Variants in DMTF1 observed in about 807,000 individuals in gnomAD.
The protein encoded by DMTF1 is cyclin-D-binding Myb-like transcription factor 1.
Under a neutral mutation model 91.1 loss-of-function variants are expected in DMTF1, and 39 were observed. That is an observed-to-expected ratio of 0.43 (90% confidence interval 0.33 to 0.56). The LOEUF (loss-of-function observed/expected upper bound fraction) is 0.56. Ranked by LOEUF, DMTF1 falls within the 20% of genes least tolerant of loss-of-function variation. DMTF1 has a pLI of 0.05. For missense variants in DMTF1, 750 were observed against 914.5 expected (o/e 0.82, Z 2.32); for synonymous variants, 338 against 309.5 (o/e 1.09, Z -0.97).
At chr7:87,159,521 A>G (rs1462560892) in intron 1 of DMTF1, among the ~76,000 whole-genome samples, 1 of 152,196 alleles carries the variant, frequency 6.6e-6, no homozygotes, top group Non-Finnish European at 1.5e-5. Flanking sequence ...TTAACGTGCT[A>G]AGGTATTGTG....
chr7:87,191,127 G>T, intron 14 of DMTF1, 100 bp downstream of exon 14: 2 of 748,096 alleles, frequency 2.7e-6, no homozygotes, highest in East Asian at 2.8e-5. Flanking sequence ...AAAAGTCTGA[G>T]GCCAAATGAA....
chr7:87,187,652 G>A (rs1482042208), intron 12 of DMTF1: 1 of 172,962 alleles, frequency 5.8e-6, no homozygotes, highest in Non-Finnish European at 1.2e-5. Context: ...ATTACTGTTT[G>A]GAAAAGAGAA....
intron 4 of DMTF1, among the ~76,000 whole-genome samples, chr7:87,170,097 G>A (rs1430401743): frequency 3.9e-5 from 6 of 152,160 alleles, no homozygotes; most frequent in African/African-American, 7.2e-5. Flanking sequence ...AGTAGCAGGT[G>A]TATTCTTCCA....
chr7:87,164,757 G>A (rs1235750465), intron 2 of DMTF1, among the ~76,000 whole-genome samples, 177 bp from the exon 3 acceptor site: 1 of 152,030 alleles, frequency 6.6e-6, no homozygotes, highest in Admixed American at 6.6e-5. Context: ...CTAAATAATG[G>A]GTATAAATTT....
intron 1 of DMTF1, among the ~76,000 whole-genome samples, chr7:87,162,021 T>A (rs1187695844): frequency 1.3e-5 from 2 of 152,252 alleles, no homozygotes; most frequent in African/African-American, 4.8e-5. Flanking sequence ...TTAAGGAAAT[T>A]AAAAATTGGG....
chr7:87,189,591 CAAGAAAAATGAAT>C (rs1799276042), intron 13 of DMTF1, among the ~76,000 whole-genome samples: 1 of 152,070 alleles, frequency 6.6e-6, no homozygotes, highest in African/African-American at 2.4e-5. Flanking sequence ...TCTCTTACAG[CAAGAAAAATGAAT>C]ATAGTTAAGT....
intron 11 of DMTF1, 39 bp from the exon 12 acceptor site, chr7:87,185,790 T>C: frequency 1.2e-6 from 2 of 1,610,904 alleles, no homozygotes; most frequent in Non-Finnish European, 1.7e-6. Context: ...TATAGAGAAA[T>C]TAATTTAATG....
At chr7:87,180,855 A>AATTTTTT (rs1797193503) in intron 8 of DMTF1, among the ~76,000 whole-genome samples, 1 of 146,248 alleles carries the variant, frequency 6.8e-6, no homozygotes, top group Admixed American at 6.8e-5. Context: ...TTTATTTTCA[A>AATTTTTT]CTTTTTTTTT....
chr7:87,157,730 C>G (rs1338337417), intron 1 of DMTF1, among the ~76,000 whole-genome samples: 1 of 151,920 alleles, frequency 6.6e-6, no homozygotes, highest in Admixed American at 6.6e-5. Context: ...TTTCGTTCTT[C>G]CAGGCTATAG....
Position 87,188,145 on chromosome 7 carries a change from C to A in DMTF1, c.1255C>A (p.Leu419Ile). The A allele has an allele frequency of 6.2e-7, 1 of 1,613,892 alleles. No homozygotes were observed. The highest frequency in any genetic ancestry group is 1.1e-5 in the South Asian group (1 of 91,082). The part of the protein sequence containing the change: ...LHENQKNNPT[L>I]LENKSGSGVP... ...TGAGAACCAAAAAAACAACCCAACG[C>A]TTTTGGAGAATAAATCAGGATCTGG... Residue 419 changes from leucine (L) to isoleucine (I), a missense_variant, in exon 13 of 18, where the codon CTT (leucine) becomes ATT (isoleucine). Coordinates refer to ENST00000331242, the MANE Select transcript of DMTF1 (RefSeq NM_001142327.2).
intron 16 of DMTF1, 116 bp downstream of exon 16, chr7:87,194,218 C>CCTCACAA (rs1453654633): frequency 2.0e-5 from 23 of 1,170,460 alleles, no homozygotes; most frequent in Non-Finnish European, 2.5e-5. Flanking sequence ...CAACCTCACA[C>CCTCACAA]CTCACAAAGT....
chr7:87,163,638 A>G (rs1793065904), intron 2 of DMTF1, 21 bp downstream of exon 2: 1 of 152,220 alleles, frequency 6.6e-6, no homozygotes, highest in Non-Finnish European at 1.5e-5. Flanking sequence ...TTCTGTTGCA[A>G]GGATCTCACA....
chr7:87,194,199 T>C (rs1475751854), intron 16 of DMTF1, 97 bp downstream of exon 16: 5 of 1,363,328 alleles, frequency 3.7e-6, no homozygotes, highest in Non-Finnish European at 4.9e-6. Flanking sequence ...GAAATTAAGC[T>C]CAAACCCCCA....
intron 1 of DMTF1, among the ~76,000 whole-genome samples, chr7:87,160,636 C>T (rs771503489): frequency 1.3e-5 from 2 of 152,158 alleles, no homozygotes; most frequent in African/African-American, 4.8e-5. Context: ...GCTTCTGCCT[C>T]TACTACTCCC....
chr7:87,161,470 A>G (rs1396884918), intron 1 of DMTF1, among the ~76,000 whole-genome samples: 1 of 152,118 alleles, frequency 6.6e-6, no homozygotes, highest in Non-Finnish European at 1.5e-5. Flanking sequence ...CCACTGCACT[A>G]CAGCCTGGGC....
intron 7 of DMTF1, among the ~76,000 whole-genome samples, chr7:87,177,945 A>T (rs1796583008): frequency 6.6e-6 from 1 of 152,180 alleles, no homozygotes; most frequent in Non-Finnish European, 1.5e-5. Context: ...AAGCCTCTTC[A>T]TAAATATCTT....
intron 1 of DMTF1, among the ~76,000 whole-genome samples, chr7:87,155,723 TTG>T (rs1790505562): frequency 6.6e-6 from 1 of 152,110 alleles, no homozygotes; most frequent in East Asian, 1.9e-4. Flanking sequence ...AGGAACGTGG[TTG>T]TGTCTCCCCC....
chr7:87,160,644 C>A (rs1021790519), intron 1 of DMTF1, among the ~76,000 whole-genome samples: 4 of 152,138 alleles, frequency 2.6e-5, no homozygotes, highest in African/African-American at 4.8e-5. Flanking sequence ...CTCTACTACT[C>A]CCACCAAAAC....
At chr7:87,178,407 T>C (rs966023257) in intron 7 of DMTF1, among the ~76,000 whole-genome samples, 1 of 152,018 alleles carries the variant, frequency 6.6e-6, no homozygotes, top group Non-Finnish European at 1.5e-5. Context: ...ATAATTTTGG[T>C]TTTTTTAAAA....
Sources: allele counts gnomAD v4.1 joint callset (sites outside exome capture counted in the v4.1 genomes callset), GRCh38; gene constraint gnomAD v4.1.1; transcripts MANE v1.5; gene names NCBI Gene and HGNC (gene_info 2026-07-23, HGNC 2026-07-21).